Variants in GAREM1 observed in about 807,000 individuals in gnomAD.
GAREM1 encodes the protein GRB2 associated regulator of MAPK1 subtype 1.
In GAREM1, 26 loss-of-function variants were observed where a neutral mutation model predicts 71.3. The ratio of observed to expected loss-of-function variants is 0.36; its 90% CI spans 0.27 to 0.51. GAREM1 has a LOEUF of 0.51. GAREM1 is among the 20% of genes least tolerant of loss of function. The pLI is 0.95. For synonymous variants in GAREM1, 440 were observed against 433.2 expected, an observed-to-expected ratio of 1.02 and a Z score of -0.20; for missense variants, 1,026 against 1,103.1, an observed-to-expected ratio of 0.93 and a Z score of 0.99.
chr18:32,407,029 T>C (rs2048372356), intron 1 of GAREM1, among the ~76,000 whole-genome samples: 2 of 152,174 alleles, frequency 1.3e-5, no homozygotes, highest in Non-Finnish European at 2.9e-5. Flanking sequence ...ATGAATAATT[T>C]TATTACTATG....
chr18:32,417,807 T>C (rs1311473003), intron 1 of GAREM1, among the ~76,000 whole-genome samples: 1 of 152,104 alleles, frequency 6.6e-6, no homozygotes, highest in Non-Finnish European at 1.5e-5. Flanking sequence ...CTAGTATTTA[T>C]AGAACAACAG....
In GAREM1 at chr18:32,443,752, G is replaced by A. The variant is rs1489118364; in HGVS notation, c.121+26556C>T. ...TTAAATGTAGTTATCATATGACCCA[G>A]CAATTCCAGTTGTAGGTACGCATCC... is the stretch of plus-strand genomic sequence containing the variant. On this transcript the variant is annotated intron_variant, in intron 1 of 5. Coordinates refer to ENST00000269209, the MANE Select transcript of GAREM1 (RefSeq NM_001242409.2). 3.9e-5 allele frequency among the ~76,000 whole-genome samples: 6 copies of A among 152,232 alleles called. No homozygotes were observed. The East Asian group carries it at 1.2e-3, about 29-fold the overall frequency.
In GAREM1 at chr18:32,345,722, G is replaced by A. The variant is rs977482998; in HGVS notation, c.263-35399C>T. On this transcript the variant is annotated intron_variant, in intron 2 of 5. Transcript: ENST00000269209. ...TTCACATCGCTAAGCTGATGAAAGC[G>A]ACATTGGGGCAACTTGACCTGGATC... is the stretch of plus-strand genomic sequence containing the variant. Among the ~76,000 whole-genome samples the A allele has an allele frequency of 5.3e-5, 8 of 152,298 alleles. No homozygotes were observed. The East Asian group carries it at 9.6e-4, about 18-fold the overall frequency.
chr18:32,328,327 A>G (rs1238626075), intron 2 of GAREM1, among the ~76,000 whole-genome samples: 1 of 152,250 alleles, frequency 6.6e-6, no homozygotes, highest in Non-Finnish European at 1.5e-5. Flanking sequence ...TAGAGAGTTG[A>G]TAAACTCAAT....
chr18:32,342,002 G>A (rs919071434), intron 2 of GAREM1, among the ~76,000 whole-genome samples: 2 of 151,738 alleles, frequency 1.3e-5, no homozygotes, highest in Non-Finnish European at 2.9e-5. Flanking sequence ...TGATATTGCA[G>A]GCCACCAAAA....
chr18:32,324,626 A>G (rs1598961735), intron 2 of GAREM1, among the ~76,000 whole-genome samples: 1 of 152,208 alleles, frequency 6.6e-6, no homozygotes, highest in Non-Finnish European at 1.5e-5. Context: ...AAATTCTAAC[A>G]CCCACGCCAG....
rs1326998808 is a variant in GAREM1, at chr18:32,364,014, ATATATATATATATGTTTTTTTTT to A, written c.262+28858_262+28880del. On this transcript the variant is annotated intron_variant, in intron 2 of 5. Coordinates refer to ENST00000269209, the MANE Select transcript of GAREM1 (RefSeq NM_001242409.2). The stretch of plus-strand genomic sequence containing the variant: ...TATATACATATATATATATATATAT[ATATATATATATATGTTTTTTTTT>A]TTTTTTTTTTTTTGTGAGACACAGC... Among the ~76,000 whole-genome samples the A allele has an allele frequency of 1.8e-3, 93 of 50,674 alleles. 1 individual carries two copies. The highest frequency in any genetic ancestry group is 8.6e-3 in the African/African-American group (74 of 8,636). 33.2% of individuals were successfully genotyped at this position (50,674 alleles called of 152,430 possible).
chr18:32,330,956 T>C (rs1221084253), intron 2 of GAREM1, among the ~76,000 whole-genome samples: 2 of 152,202 alleles, frequency 1.3e-5, no homozygotes, highest in Non-Finnish European at 2.9e-5. Flanking sequence ...TACAGTTCCA[T>C]ATAGGCTGCT....
At chr18:32,353,213 G>A (rs960233182) in intron 2 of GAREM1, among the ~76,000 whole-genome samples, 5 of 152,102 alleles carry the variant, frequency 3.3e-5, no homozygotes, top group South Asian at 4.1e-4. Flanking sequence ...CTAATCAGAC[G>A]ATAACAAAGT....
At chr18:32,385,122 T>C (rs1455106803) in intron 2 of GAREM1, among the ~76,000 whole-genome samples, 1 of 152,092 alleles carries the variant, frequency 6.6e-6, no homozygotes, top group Non-Finnish European at 1.5e-5. Context: ...TCCATTATAC[T>C]TAAAAATATG....
intron 1 of GAREM1, among the ~76,000 whole-genome samples, chr18:32,402,572 C>G (rs1463730324): frequency 6.6e-6 from 1 of 152,056 alleles, no homozygotes; most frequent in East Asian, 1.9e-4. Flanking sequence ...AGTGCTTTCT[C>G]CTTGACATTT....
chr18:32,283,200 G>C (rs2046972027), intron 4 of GAREM1, among the ~76,000 whole-genome samples: 1 of 152,258 alleles, frequency 6.6e-6, no homozygotes, highest in African/African-American at 2.4e-5. Flanking sequence ...GTGAGGAAGA[G>C]AACGGCCTCT....
chr18:32,306,475 C>T (rs531272961), intron 3 of GAREM1, among the ~76,000 whole-genome samples: 4 of 152,226 alleles, frequency 2.6e-5, no homozygotes, highest in African/African-American at 9.6e-5. Flanking sequence ...CCCCCCCACC[C>T]ACTAAATGAC....
In GAREM1 at chr18:32,345,064, AAAAAAC is replaced by A. The variant is rs2047681545; in HGVS notation, c.263-34747_263-34742del. On this transcript the variant is annotated intron_variant, in intron 2 of 5. Transcript: ENST00000269209. Reference sequence around the variant, plus strand: ...GCGAAAGAGCAAGACTCAGTCTCGAAAAAAACAAAAACAAAAACCAAAAACCAAACA... The same window carrying A: ...GCGAAAGAGCAAGACTCAGTCTCGAAAAAAACAAAAACCAAAAACCAAACA... Among the ~76,000 whole-genome samples the A allele has an allele frequency of 1.3e-5, 2 of 152,236 alleles. 1 individual carries two copies. The highest frequency in any genetic ancestry group is 4.1e-4 in the South Asian group (2 of 4,830).
At chr18:32,462,023 CA>C (rs1308799553) in intron 1 of GAREM1, among the ~76,000 whole-genome samples, 1 of 152,206 alleles carries the variant, frequency 6.6e-6, no homozygotes, top group African/African-American at 2.4e-5. Context: ...CAGTTGATCA[CA>C]ACAGTCAAAC....
intron 2 of GAREM1, among the ~76,000 whole-genome samples, chr18:32,312,185 A>G (rs1447011529): frequency 1.3e-5 from 2 of 152,210 alleles, no homozygotes; most frequent in Non-Finnish European, 2.9e-5. Flanking sequence ...GTCTGGCTGG[A>G]AAGAATAAAT....
rs191568617 is a variant in GAREM1 at position 32,332,053 on chromosome 18, C to A, written c.263-21730G>T. 2.8e-3 allele frequency among the ~76,000 whole-genome samples: 427 copies of A among 151,122 alleles called. 4 individuals are homozygous for A. The Middle Eastern group carries it at 0.048, about 17-fold the overall frequency. ...AGAGAGTATCATCTAGGATGCTTGA[C>A]AGAGGCAACTCACTTGGGGCATTTG... On this transcript the variant is annotated intron_variant, in intron 2 of 5. Coordinates refer to ENST00000269209, the MANE Select transcript of GAREM1 (RefSeq NM_001242409.2).
chr18:32,301,880 T>C (rs1027691740), intron 3 of GAREM1, among the ~76,000 whole-genome samples: 1 of 152,158 alleles, frequency 6.6e-6, no homozygotes, highest in Non-Finnish European at 1.5e-5. Flanking sequence ...GCACCATACT[T>C]TACTATTAAT....
chr18:32,380,474 T>TA (rs35881689), intron 2 of GAREM1, among the ~76,000 whole-genome samples: 15,356 of 92,046 alleles, frequency 0.17, 1,477 homozygotes, highest in African/African-American at 0.27. Flanking sequence ...AGACTTCATT[T>TA]AAAAAAAAAA....
Sources: gnomAD v4.1 joint callset for allele counts (sites outside exome capture counted in the v4.1 genomes callset) on GRCh38, gnomAD v4.1.1 for gene constraint, MANE v1.5 for transcripts, NCBI Gene and HGNC (gene_info 2026-07-23, HGNC 2026-07-21) for gene names.